The following PEAK1 variants were observed in gnomAD, a reference collection of about 807,000 sequenced individuals.
PEAK1 encodes the protein inactive tyrosine-protein kinase PEAK1.
PEAK1 carries 54 observed loss-of-function variants against 124.7 expected under a neutral mutation model. The observed-to-expected ratio is 0.43, with a 90% CI of 0.35 to 0.54. PEAK1 has a LOEUF of 0.54. PEAK1 is among the 20% of genes least tolerant of loss of function. PEAK1 has a pLI of 0.01. For synonymous variants in PEAK1, 719 were observed against 760.0 expected (o/e 0.95, Z 0.89); for missense variants, 2,046 against 2,134.5 (o/e 0.96, Z 0.82).
At chr15:77,346,764 T>C (rs928306564) in intron 2 of PEAK1, 2 of 978,244 alleles carry the variant, frequency 2.0e-6, no homozygotes, top group African/African-American at 3.5e-5. Context: ...AAATATTCAT[T>C]CATTGGTCAC....
rs768857405 is a variant in PEAK1 at position 77,180,137 on chromosome 15, C to G, written c.1790G>C (p.Ser597Thr). The change falls in exon 7 of 10, where the codon AGT (serine) becomes ACT (threonine). Residue 597 changes from serine to threonine, a missense_variant. Ser to Thr is a moderately conservative substitution (Grantham distance 58, BLOSUM62 1). Transcript: ENST00000682557. ...SPNLSEIKFN[S>T]YNNAGMPPFP... Reference sequence around the variant, plus strand: ...AGGTGGCATACCAGCATTGTTATAACTATTAAATTTAATTTCAGACAAATT... The same window carrying G: ...AGGTGGCATACCAGCATTGTTATAAGTATTAAATTTAATTTCAGACAAATT... 6.2e-7 allele frequency: 1 copy of G among 1,614,122 alleles called. No homozygotes were observed. The highest frequency in any genetic ancestry group is 1.1e-5 in the South Asian group (1 of 91,074).
intron 6 of PEAK1, among the ~76,000 whole-genome samples, chr15:77,217,514 C>T (rs184062181): frequency 6.5e-4 from 99 of 152,288 alleles, no homozygotes; most frequent in Non-Finnish European, 1.0e-3. Context: ...ACCACAGCAA[C>T]GTTCCTGGTT....
rs745413035 is a variant in PEAK1, at chr15:77,309,934, TC to T, written c.-602-23431del. ...ACATATGAGGAACTGTGGCTATTCT[TC>T]CTGGAGAAAAACTGTTTAGGGAGAA... On this transcript the variant is annotated intron_variant, in intron 2 of 9. Coordinates refer to ENST00000682557, the MANE Select transcript of PEAK1 (RefSeq NM_001385026.1). 9.2e-5 allele frequency among the ~76,000 whole-genome samples: 14 copies of T among 152,316 alleles called. No individual in the cohort carries two copies. In the East Asian group the frequency reaches 1.2e-3, roughly 13 times the overall value.
In PEAK1 at chr15:77,407,577, C is replaced by T. The variant is rs529764831; in HGVS notation, c.-666+12429G>A. 1.2e-4 allele frequency among the ~76,000 whole-genome samples: 19 copies of T among 152,302 alleles called. No homozygotes were observed. In the East Asian group the frequency reaches 3.5e-3, roughly 28 times the overall value. ...ACCACAATGCAATACCACCTTACTC[C>T]TGCAAGAATGGCCATAATCAAAAAA... On this transcript the variant is annotated intron_variant, in intron 1 of 9. Transcript: ENST00000682557.
chr15:77,381,231 C>T, intron 1 of PEAK1: 1 of 983,080 alleles, frequency 1.0e-6, no homozygotes, highest in Non-Finnish European at 1.2e-6. Context: ...GAAACCAACT[C>T]AACATGACAT....
At chr15:77,143,533 T>C (rs1455562550) in intron 8 of PEAK1, among the ~76,000 whole-genome samples, 2 of 152,194 alleles carry the variant, frequency 1.3e-5, no homozygotes, top group Non-Finnish European at 2.9e-5. Flanking sequence ...TCTCGTCGCA[T>C]TTCCTCTTAT....
chr15:77,244,174 T>C (rs932479648), intron 6 of PEAK1, among the ~76,000 whole-genome samples: 1 of 152,124 alleles, frequency 6.6e-6, no homozygotes, highest in Non-Finnish European at 1.5e-5. Flanking sequence ...GGCTAGCAAC[T>C]ACAGGCAAGA....
At chr15:77,402,024 C>A in intron 1 of PEAK1, 1 of 751,112 alleles carries the variant, frequency 1.3e-6, no homozygotes, top group Non-Finnish European at 1.6e-6. Context: ...CATGGTGAAA[C>A]CCCAGCTCTA....
intron 6 of PEAK1, among the ~76,000 whole-genome samples, chr15:77,223,375 T>A (rs1459119884): frequency 6.6e-6 from 1 of 152,032 alleles, no homozygotes; most frequent in Non-Finnish European, 1.5e-5. Context: ...AGTAGAGTTT[T>A]ACCTTAGAGT....
In PEAK1 at chr15:77,112,728, T is replaced by G. The variant is rs1257410646; in HGVS notation, c.*1428A>C. 1 of 152,178 alleles carries G rather than the reference T, an allele frequency of 6.6e-6. No individual in the cohort carries two copies. Among genetic ancestry groups the G allele is most frequent in the Non-Finnish European group, 1.5e-5 (1 of 68,380 alleles). The allele number at this position is 152,178 out of a possible 1,614,324, so 9.4% of individuals were successfully genotyped here. A position where few individuals can be genotyped will look rare whatever the true frequency, so the allele number is the denominator to read the frequency against. On this transcript the variant is annotated 3_prime_UTR_variant, in exon 10 of 10. Transcript: ENST00000682557. ...ACAACCCCAGTGGAAGGAACGCTCA[T>G]CTCTTAGCGCAAATATGTGCCAAGG...
chr15:77,185,250 A>G (rs1007345037), intron 6 of PEAK1, among the ~76,000 whole-genome samples: 1 of 152,248 alleles, frequency 6.6e-6, no homozygotes, highest in Non-Finnish European at 1.5e-5. Flanking sequence ...GTCACCCTGC[A>G]TACAAGACAG....
intron 2 of PEAK1, among the ~76,000 whole-genome samples, chr15:77,306,098 T>C (rs2064087209): frequency 6.6e-6 from 1 of 152,222 alleles, no homozygotes; most frequent in Non-Finnish European, 1.5e-5. Context: ...TTATTCTTAC[T>C]AGCAAAGATT....
At chr15:77,230,140 A>G (rs2059845897) in intron 6 of PEAK1, among the ~76,000 whole-genome samples, 1 of 152,184 alleles carries the variant, frequency 6.6e-6, no homozygotes, top group Non-Finnish European at 1.5e-5. Flanking sequence ...GCTATTATAA[A>G]ATACTTATTG....
chr15:77,139,599 T>C (rs554745043), intron 8 of PEAK1, among the ~76,000 whole-genome samples: 39 of 152,300 alleles, frequency 2.6e-4, no homozygotes, highest in Admixed American at 2.2e-3. Context: ...GTGCAGTCCA[T>C]TGTTGACCAA....
intron 2 of PEAK1, among the ~76,000 whole-genome samples, chr15:77,309,946 A>C (rs939807884): frequency 6.6e-6 from 1 of 152,182 alleles, no homozygotes; most frequent in Non-Finnish European, 1.5e-5. Context: ...CTGGAGAAAA[A>C]CTGTTTAGGG....
chr15:77,199,702 G>C (rs1350435825), intron 6 of PEAK1, among the ~76,000 whole-genome samples: 1 of 152,140 alleles, frequency 6.6e-6, no homozygotes, highest in South Asian at 2.1e-4. Context: ...GTCGAGATAT[G>C]GCTCTTGGAG....
chr15:77,330,208 G>T (rs2062445549), intron 2 of PEAK1, among the ~76,000 whole-genome samples: 1 of 152,118 alleles, frequency 6.6e-6, no homozygotes. Flanking sequence ...TTGACATGTT[G>T]ATGTACGTAT....
At chr15:77,393,884 G>C (rs1229625082) in intron 1 of PEAK1, among the ~76,000 whole-genome samples, 1 of 152,228 alleles carries the variant, frequency 6.6e-6, no homozygotes, top group Non-Finnish European at 1.5e-5. Flanking sequence ...CCCTGGGCCA[G>C]AGGGGAGCCC....
intron 2 of PEAK1, among the ~76,000 whole-genome samples, chr15:77,323,472 A>T (rs2065369508): frequency 6.6e-6 from 1 of 152,236 alleles, no homozygotes; most frequent in Non-Finnish European, 1.5e-5. Context: ...AATCACAAGC[A>T]TTCTTATACA....
Sources: allele counts gnomAD v4.1 joint callset (sites outside exome capture counted in the v4.1 genomes callset), GRCh38; gene constraint gnomAD v4.1.1; transcripts MANE v1.5; gene names NCBI Gene and HGNC (gene_info 2026-07-23, HGNC 2026-07-21).